Variants in RPS7 observed in about 807,000 individuals in gnomAD.
RPS7 encodes the protein ribosomal protein S7.
Under a neutral mutation model 22.1 loss-of-function variants are expected in RPS7, and 1 was observed. The ratio of observed to expected loss-of-function variants is 0.05; its 90% CI spans 0.02 to 0.21. RPS7 has a LOEUF of 0.21. Among genes scored for constraint, RPS7 ranks in the 10% least tolerant of loss-of-function variants. The pLI is 1.00. For synonymous variants in RPS7, 80 were observed against 92.0 expected (o/e 0.87, Z 0.74); for missense variants, 137 against 246.4 (o/e 0.56, Z 2.97).
intron 1 of RPS7, 38 bp from the exon 2 acceptor site, chr2:3,575,554 C>T (rs1353915964): frequency 8.0e-6 from 12 of 1,492,678 alleles, no homozygotes; most frequent in Non-Finnish European, 4.7e-6. Context: ...GCGGCGCCTG[C>T]AGCCCGGGCC....
At chr2:3,576,886 G>A (rs1429134077) in intron 4 of RPS7, 1 of 517,946 alleles carries the variant, frequency 1.9e-6, no homozygotes, top group Non-Finnish European at 3.5e-6. Flanking sequence ...GAAAAAATAA[G>A]TTTTAAAAAG....
chr2:3,576,885 A>C, intron 4 of RPS7: 1 of 523,646 alleles, frequency 1.9e-6, no homozygotes, highest in South Asian at 2.1e-5. Flanking sequence ...AGAAAAAATA[A>C]GTTTTAAAAA....
chr2:3,579,291 T>G (rs936045847), intron 5 of RPS7: 2 of 152,282 alleles, frequency 1.3e-5, no homozygotes, highest in Admixed American at 6.5e-5. Flanking sequence ...TGGACTTTGT[T>G]CAGGCTTTTG....
rs202234372 is a variant in RPS7, at chr2:3,576,579, A to T, written c.240A>T (p.Val80=). The T allele has an allele frequency of 6.2e-7, 1 of 1,614,016 alleles. No individual in the cohort carries two copies. The highest frequency in any genetic ancestry group is 1.7e-5 in the Admixed American group (1 of 60,028). Residue 80 remains valine, a synonymous_variant, in exon 4 of 7, where the codon GTA becomes GTT. Transcript: ENST00000645674. Reference sequence around the variant, plus strand: ...TCCAGAAAATCCAAGTCCGGCTAGTACGCGAATTGGAGAAAAAGTTCAGTG... The same window carrying T: ...TCCAGAAAATCCAAGTCCGGCTAGTTCGCGAATTGGAGAAAAAGTTCAGTG... ...KSFQKIQVRL[V]RELEKKFSGK... is the part of the protein sequence containing the mutation.
At chr2:3,576,220 T>TA (rs1273058747) in intron 3 of RPS7, 1 of 595,114 alleles carries the variant, frequency 1.7e-6, no homozygotes, top group African/African-American at 1.9e-5. Context: ...TCTCTACCCT[T>TA]AGCCCGGAGT....
chr2:3,580,279 A>G lies in RPS7; in HGVS notation c.507+19A>G. 6.2e-7 allele frequency: 1 copy of G among 1,612,350 alleles called. No homozygotes were observed. ...ACACAAGGTAATAGGTCAACATTTT[A>G]TCATGGAAAGGTTCAGCCACAGTGA... On this transcript the variant is annotated intron_variant, in intron 6 of 6. Coordinates refer to ENST00000645674, the MANE Select transcript of RPS7 (RefSeq NM_001011.4).
chr2:3,576,185 C>T (rs144343279), intron 3 of RPS7: 2 of 590,964 alleles, frequency 3.4e-6, no homozygotes, highest in East Asian at 2.9e-5. Context: ...CGGCAAAGAG[C>T]TGTGGGGAGC....
At chr2:3,576,291 T>C in intron 3 of RPS7, 196 bp from the exon 4 acceptor site, 2 of 663,534 alleles carry the variant, frequency 3.0e-6, no homozygotes, top group Non-Finnish European at 2.7e-6. Flanking sequence ...CAGTCTCCCT[T>C]CCTGGAATAA....
At chr2:3,580,055 G>T in intron 5 of RPS7, 55 bp from the exon 6 acceptor site, 1 of 1,565,418 alleles carries the variant, frequency 6.4e-7, no homozygotes, top group Non-Finnish European at 8.8e-7. Context: ...GCCCTCTGGA[G>T]TTGCCCAGAG....
At chr2:3,578,075 T>G (rs1306614060) in intron 5 of RPS7, 1 of 369,908 alleles carries the variant, frequency 2.7e-6, no homozygotes, top group African/African-American at 2.1e-5. Flanking sequence ...TTCTGTGATA[T>G]AGCATGCTAG....
chr2:3,575,716 G>T, intron 2 of RPS7, 32 bp downstream of exon 2: 1 of 1,604,786 alleles, frequency 6.2e-7, no homozygotes, highest in South Asian at 1.1e-5. Context: ...CTGGGGTGGG[G>T]GGAGGCGCCC....
intron 5 of RPS7, chr2:3,578,560 G>C (rs1661335573): frequency 6.6e-6 from 1 of 152,130 alleles, no homozygotes; most frequent in Non-Finnish European, 1.5e-5. Flanking sequence ...AAAACCACTA[G>C]AACACAGTGT....
chr2:3,579,518 T>G lies in RPS7; in HGVS notation c.357-592T>G, dbSNP rs115681244. ...GAACCGTCTCTTGACTTACTCCTGA[T>G]GTCTCATGGTACATGGTAGCTGCCC... On this transcript the variant is annotated intron_variant, in intron 5 of 6. Coordinates refer to ENST00000645674, the MANE Select transcript of RPS7 (RefSeq NM_001011.4). The G allele has an allele frequency of 2.5e-3, 418 of 165,246 alleles. 2 individuals carry two copies. Among genetic ancestry groups the G allele is most frequent in the African/African-American group, 9.1e-3 (379 of 41,634 alleles). The allele number at this position is 165,246 out of a possible 1,614,324, so 10.2% of individuals were successfully genotyped here.
chr2:3,580,090 C>A lies in RPS7; in HGVS notation c.357-20C>A, dbSNP rs758993781. The A allele has an allele frequency of 1.9e-6, 3 of 1,613,504 alleles. No individual in the cohort carries two copies. In the Admixed American group the frequency reaches 5.0e-5, roughly 27 times the overall value. On this transcript the variant is annotated intron_variant, in intron 5 of 6. Transcript: ENST00000645674. ...GGGCAGGCGTTGCTAGGTTGCTTAC[C>A]TTTTAAACTATTCTTTTAGCCGTAC...
chr2:3,577,874 AT>A, intron 5 of RPS7, 100 bp downstream of exon 5: 1 of 815,750 alleles, frequency 1.2e-6, no homozygotes, highest in Non-Finnish European at 2.1e-6. Flanking sequence ...TCAAGTGGGA[AT>A]TTTTGAGTAG....
intron 5 of RPS7, 180 bp downstream of exon 5, chr2:3,577,954 T>G: frequency 1.6e-6 from 1 of 608,182 alleles, no homozygotes. Flanking sequence ...CATACATGTA[T>G]TCATGTAGCC....
Position 3,575,368 on chromosome 2 carries a change from T to C in RPS7, c.-19+18T>C. On this transcript the variant is annotated intron_variant, in intron 1 of 6. Transcript: ENST00000645674. ...TCGGCAAGGTAGGTTGGCGGCCTGCTCTCCGACAGAACTTTTCTTCTTGGG... is the reference window on the plus strand; with the variant it reads ...TCGGCAAGGTAGGTTGGCGGCCTGCCCTCCGACAGAACTTTTCTTCTTGGG... 1.8e-6 allele frequency: 1 copy of C among 556,184 alleles called. No homozygotes were observed. The highest frequency in any genetic ancestry group is 3.2e-6 in the Non-Finnish European group (1 of 315,264). The allele number at this position is 556,184 out of a possible 1,614,324, so 34.5% of individuals were successfully genotyped here.
chr2:3,578,803 G>C (rs1218771164), intron 5 of RPS7: 1 of 152,170 alleles, frequency 6.6e-6, no homozygotes, highest in East Asian at 1.9e-4. Flanking sequence ...CCAGAGGACT[G>C]TCCCTCAAAT....
chr2:3,576,546 G>T lies in RPS7; in HGVS notation c.207G>T (p.Leu69=), dbSNP rs1337626735. The change falls in exon 4 of 7, where the codon CTG becomes CTT. Residue 69 remains leucine, a synonymous_variant. Transcript: ENST00000645674. ...AIIIFVPVPQ[L]KSFQKIQVRL... ...TAATCTTTGTTCCCGTTCCTCAACT[G>T]AAATCTTTCCAGAAAATCCAAGTCC... 1 of 1,613,796 alleles carries T rather than the reference G, an allele frequency of 6.2e-7. No homozygotes were observed. Among genetic ancestry groups the T allele is most frequent in the Non-Finnish European group, 8.5e-7 (1 of 1,179,808 alleles).
Sources: gnomAD v4.1 joint callset for allele counts on GRCh38, gnomAD v4.1.1 for gene constraint, MANE v1.5 for transcripts, NCBI Gene and HGNC (gene_info 2026-07-23, HGNC 2026-07-21) for gene names.